The following RBFOX1 variants were observed in gnomAD, a reference collection of about 807,000 sequenced individuals.
The protein encoded by RBFOX1 is RNA binding protein fox-1 homolog 1.
A neutral mutation model predicts 57.7 loss-of-function variants in RBFOX1; 8 were observed. The observed-to-expected ratio is 0.14, with a 90% confidence interval of 0.08 to 0.25. RBFOX1 has a LOEUF of 0.25. Among genes scored for constraint, RBFOX1 ranks in the 10% least tolerant of loss-of-function variants. The pLI is 1.00. For synonymous variants in RBFOX1, 326 were observed against 222.4 expected (o/e 1.47, Z -4.15); for missense variants, 611 against 548.5 (o/e 1.11, Z -1.14).
chr16:5,700,412 A>C (rs78247945), intron 3 of RBFOX1, among the ~76,000 whole-genome samples: 3 of 152,242 alleles, frequency 2.0e-5, no homozygotes, highest in Admixed American at 2.0e-4. Context: ...TATTAGATTC[A>C]TAGTTGTTTC....
chr16:5,788,600 G>A (rs959884702), intron 3 of RBFOX1, among the ~76,000 whole-genome samples: 8 of 152,194 alleles, frequency 5.3e-5, no homozygotes, highest in Non-Finnish European at 1.2e-4. Context: ...CTGCACTCCA[G>A]CCTGGGTGAC....
intron 3 of RBFOX1, among the ~76,000 whole-genome samples, chr16:5,837,600 C>A (rs1051530041): frequency 7.5e-6 from 1 of 134,004 alleles, no homozygotes; most frequent in East Asian, 2.6e-4. Flanking sequence ...TTGATGCCAG[C>A]CCCCTCTTTT....
intron 4 of RBFOX1, among the ~76,000 whole-genome samples, chr16:7,364,340 G>T (rs1337608835): frequency 6.6e-6 from 1 of 151,982 alleles, no homozygotes; most frequent in Non-Finnish European, 1.5e-5. Flanking sequence ...TTAATTGTAG[G>T]TTATTGAATT....
chr16:5,280,436 A>C (rs1162721811), intron 1 of RBFOX1, among the ~76,000 whole-genome samples: 1 of 152,194 alleles, frequency 6.6e-6, no homozygotes, highest in Non-Finnish European at 1.5e-5. Context: ...ATATCAGGGT[A>C]GTGCTGGCCT....
At chr16:7,144,461 C>A (rs540787564) in intron 4 of RBFOX1, among the ~76,000 whole-genome samples, 93 of 91,808 alleles carry the variant, frequency 1.0e-3, no homozygotes, top group Admixed American at 3.8e-3. Flanking sequence ...CTCTGTTGTT[C>A]TGGCTGGAGT....
At chr16:5,988,589 C>T (rs921839477) in intron 4 of RBFOX1, among the ~76,000 whole-genome samples, 5 of 152,102 alleles carry the variant, frequency 3.3e-5, no homozygotes, top group Non-Finnish European at 7.4e-5. Context: ...CATGAGCCTC[C>T]ACTGGGACGA....
At position 7,292,526 on chromosome 16, in the gene RBFOX1, A is replaced by G. The variant is rs190436684; in HGVS notation, c.28-225621A>G. ...ATATATAAAATATATATAATACTAT[A>G]TGTATACACACACACACACACACAC... is the stretch of plus-strand genomic sequence containing the variant. On this transcript the variant is annotated intron_variant, in intron 4 of 15. Coordinates refer to ENST00000550418, the MANE Select transcript of RBFOX1 (RefSeq NM_018723.4). Among the ~76,000 whole-genome samples the G allele has an allele frequency of 5.8e-3, 518 of 88,666 alleles. 5 individuals are homozygous for G. The highest frequency in any genetic ancestry group is 0.015 in the African/African-American group (495 of 32,250). The allele number at this position is 88,666 out of a possible 152,430, so 58.2% of individuals were successfully genotyped here.
At chr16:6,495,265 C>G (rs1386401042) in intron 2 of RBFOX1, among the ~76,000 whole-genome samples, 2 of 152,124 alleles carry the variant, frequency 1.3e-5, no homozygotes, top group African/African-American at 4.8e-5. Context: ...ATTATAGGTG[C>G]CCGCCACCAT....
At chr16:7,679,817 A>G (rs2074283155) in intron 14 of RBFOX1, among the ~76,000 whole-genome samples, 1 of 152,058 alleles carries the variant, frequency 6.6e-6, no homozygotes, top group African/African-American at 2.4e-5. Context: ...AAAGAAGACC[A>G]TCTGGTGTGG....
intron 4 of RBFOX1, among the ~76,000 whole-genome samples, chr16:7,482,533 T>C (rs1477430366): frequency 1.3e-5 from 2 of 149,118 alleles, no homozygotes; most frequent in Non-Finnish European, 3.0e-5. Context: ...TTCCCTTTGA[T>C]TGCCTGGGAT....
chr16:6,985,635 C>T (rs990867582), intron 3 of RBFOX1, among the ~76,000 whole-genome samples: 10 of 152,128 alleles, frequency 6.6e-5, no homozygotes, highest in Non-Finnish European at 1.2e-4. Flanking sequence ...AGAGAACAGT[C>T]TGACCAGCGT....
intron 2 of RBFOX1, among the ~76,000 whole-genome samples, chr16:6,385,388 C>T (rs995621637): frequency 2.0e-5 from 3 of 152,158 alleles, no homozygotes; most frequent in Non-Finnish European, 4.4e-5. Context: ...GAGACAGAGT[C>T]TCCCTCTTTT....
chr16:5,450,785 G>A (rs756104206), intron 1 of RBFOX1, among the ~76,000 whole-genome samples: 1 of 152,186 alleles, frequency 6.6e-6, no homozygotes, highest in East Asian at 1.9e-4. Context: ...ACTTTGGGTA[G>A]CCTCGTCTGG....
At chr16:6,977,067 CTTT>C (rs1278119797) in intron 3 of RBFOX1, among the ~76,000 whole-genome samples, 1 of 139,036 alleles carries the variant, frequency 7.2e-6, no homozygotes, top group Non-Finnish European at 1.5e-5. Context: ...ATGAGATATA[CTTT>C]ATCATATATG....
chr16:6,459,065 G>A (rs1453798457), intron 2 of RBFOX1, among the ~76,000 whole-genome samples: 1 of 152,224 alleles, frequency 6.6e-6, no homozygotes, highest in African/African-American at 2.4e-5. Context: ...GCCAAGCCTG[G>A]TGGCTCACGC....
At chr16:6,777,644 C>T (rs1382176531) in intron 3 of RBFOX1, among the ~76,000 whole-genome samples, 2 of 151,970 alleles carry the variant, frequency 1.3e-5, no homozygotes, top group African/African-American at 2.4e-5. Context: ...TTTAAAAATC[C>T]AGTTTCTTAG....
chr16:6,331,545 C>G (rs11639607), intron 2 of RBFOX1, among the ~76,000 whole-genome samples: 1 of 147,904 alleles, frequency 6.8e-6, no homozygotes, highest in Non-Finnish European at 1.5e-5. Context: ...CTCTCTCTCT[C>G]TATATATATA....
chr16:6,438,533 G>T (rs1386296886), intron 2 of RBFOX1, among the ~76,000 whole-genome samples: 3 of 152,170 alleles, frequency 2.0e-5, no homozygotes, highest in Non-Finnish European at 4.4e-5. Context: ...AGTGGACTGG[G>T]ATCCTCAGGA....
chr16:7,069,459 G>T (rs570294032), intron 4 of RBFOX1, among the ~76,000 whole-genome samples: 3 of 152,250 alleles, frequency 2.0e-5, no homozygotes, highest in Admixed American at 2.0e-4. Flanking sequence ...TCAGTTTTCT[G>T]TTCCTGTTTT....
Sources: allele counts gnomAD v4.1 joint callset (sites outside exome capture counted in the v4.1 genomes callset), GRCh38; gene constraint gnomAD v4.1.1; transcripts MANE v1.5; gene names NCBI Gene and HGNC (gene_info 2026-07-23, HGNC 2026-07-21).